RPL22L1: variants seen among roughly 807,000 people sequenced by gnomAD.
RPL22L1 encodes the protein ribosomal protein eL22-like.
In RPL22L1, 19 loss-of-function variants were observed where a neutral mutation model predicts 17.3. The observed-to-expected ratio is 1.10, with a 90% CI of 0.77 to 1.61. The LOEUF (loss-of-function observed/expected upper bound fraction) is 1.61. Ranked by LOEUF, RPL22L1 falls within the 40% of genes most tolerant of loss-of-function variation. The pLI, the probability that RPL22L1 is intolerant of heterozygous loss-of-function variation, is 0.00. For missense variants in RPL22L1, 139 were observed against 144.4 expected, an observed-to-expected ratio of 0.96 and a Z score of 0.19; for synonymous variants, 48 against 48.5, an observed-to-expected ratio of 0.99 and a Z score of 0.05.
In RPL22L1 at chr3:170,867,306, G is replaced by C. The variant is rs371033217; in HGVS notation, c.224+707C>G. Among the ~76,000 whole-genome samples, 65 of 152,238 alleles carry C rather than the reference G, an allele frequency of 4.3e-4. No individual in the cohort carries two copies. The South Asian group carries it at 8.1e-3, about 19-fold the overall frequency. On this transcript the variant is annotated intron_variant, in intron 3 of 3. Transcript: ENST00000295830. Reference sequence around the variant, plus strand: ...ATTCCTCCCAGAACACTATACCCCAGACACACTGGCTTTGTTACTATTACT... The same window carrying C: ...ATTCCTCCCAGAACACTATACCCCACACACACTGGCTTTGTTACTATTACT...
In RPL22L1 at chr3:170,868,317, A is replaced by T; in HGVS notation, c.83T>A (p.Ile28Asn). 1 of 1,609,258 alleles carries T rather than the reference A, an allele frequency of 6.2e-7. No individual in the cohort carries two copies. Among genetic ancestry groups the T allele is most frequent in the South Asian group, 1.1e-5 (1 of 90,378 alleles). ...LDLTHPVEDG[I>N]FDSGNFEQFL... ...ACTTACAAAATTTCCAGAATCAAAAATTCCATCTTCTACTGGATGAGTAAG... is the reference window on the plus strand; with the variant it reads ...ACTTACAAAATTTCCAGAATCAAAATTTCCATCTTCTACTGGATGAGTAAG... Residue 28 changes from isoleucine to asparagine, a missense_variant, in exon 2 of 4, where the codon ATT becomes AAT. Ile to Asn is a moderately radical substitution (Grantham distance 149). Coordinates refer to ENST00000295830, the MANE Select transcript of RPL22L1 (RefSeq NM_001099645.2).
intron 1 of RPL22L1, among the ~76,000 whole-genome samples, chr3:170,869,360 T>C (rs566520709): frequency 6.6e-6 from 1 of 152,208 alleles, no homozygotes; most frequent in Non-Finnish European, 1.5e-5. Flanking sequence ...CATGGTAACA[T>C]GTGCCAAAAG....
intron 3 of RPL22L1, 149 bp from the exon 4 acceptor site, chr3:170,866,673 G>A: frequency 3.4e-6 from 2 of 591,722 alleles, no homozygotes. Context: ...AGGATGTATT[G>A]TGTAAGACTG....
At chr3:170,868,955 T>C (rs1190346819) in intron 1 of RPL22L1, among the ~76,000 whole-genome samples, 2 of 152,028 alleles carry the variant, frequency 1.3e-5, no homozygotes, top group African/African-American at 2.4e-5. Flanking sequence ...ACCCCATCTC[T>C]AGTAAAAATA....
chr3:170,869,904 C>G (rs1711928162), intron 1 of RPL22L1: 4 of 646,450 alleles, frequency 6.2e-6, no homozygotes, highest in Non-Finnish European at 1.1e-5. Context: ...TCCCTCTTTC[C>G]CGCGTGTCCA....
chr3:170,868,442 T>A, intron 1 of RPL22L1, 52 bp from the exon 2 acceptor site: 2 of 1,119,654 alleles, frequency 1.8e-6, no homozygotes, highest in Non-Finnish European at 2.7e-6. Context: ...TTATTCAATT[T>A]ATATAAACAA....
chr3:170,869,823 G>C, intron 1 of RPL22L1: 1 of 439,852 alleles, frequency 2.3e-6, no homozygotes, highest in Non-Finnish European at 4.5e-6. Context: ...AGTGGCAAAA[G>C]CATTATCAGG....
In RPL22L1 at chr3:170,865,019, T is replaced by C. The variant is rs1442680106; in HGVS notation, c.*1361A>G. 6.6e-6 allele frequency: 1 copy of C among 152,190 alleles called. No individual in the cohort carries two copies. The highest frequency in any genetic ancestry group is 2.4e-5 in the African/African-American group (1 of 41,450). 9.4% of individuals were successfully genotyped at this position (152,190 alleles called of 1,614,324 possible). On this transcript the variant is annotated 3_prime_UTR_variant, in exon 4 of 4. Coordinates refer to ENST00000295830, the MANE Select transcript of RPL22L1 (RefSeq NM_001099645.2). ...TTTTACTCATCACATACATCCTCAA[T>C]GCTCTGCAGCGGTGCACAGTAGTAG...
At position 170,866,239 on chromosome 3, in the gene RPL22L1, C is replaced by T; in HGVS notation, c.*141G>A. The T allele has an allele frequency of 1.6e-6, 1 of 612,342 alleles. No individual in the cohort carries two copies. 37.9% of individuals were successfully genotyped at this position (612,342 alleles called of 1,614,324 possible). A position where few individuals can be genotyped will look rare whatever the true frequency, so the allele number is the denominator to read the frequency against. Reference sequence around the variant, plus strand: ...AGGGAAATCAAAATCATATAAACAGCATACTCAAAAAAATGAGACAAAAGT... The same window carrying T: ...AGGGAAATCAAAATCATATAAACAGTATACTCAAAAAAATGAGACAAAAGT... On this transcript the variant is annotated 3_prime_UTR_variant, in exon 4 of 4. Coordinates refer to ENST00000295830, the MANE Select transcript of RPL22L1 (RefSeq NM_001099645.2).
chr3:170,867,917 A>G, intron 3 of RPL22L1, 96 bp downstream of exon 3: 2 of 1,031,028 alleles, frequency 1.9e-6, no homozygotes, highest in South Asian at 3.6e-5. Flanking sequence ...GTTCATATTT[A>G]TTCTTGCATA....
At position 170,866,504 on chromosome 3, in the gene RPL22L1, T is replaced by C. The variant is rs1560001850; in HGVS notation, c.245A>G (p.Lys82Arg). The C allele has an allele frequency of 6.4e-7, 1 of 1,556,096 alleles. No individual in the cohort carries two copies. Residue 82 changes from lysine to arginine, a missense_variant, in exon 4 of 4, where the codon AAG becomes AGG. Transcript: ENST00000295830. ...AAGATTGTTCTTCTTAAGGTATTTC[T>C]TGGTAAGGTATTTCAAATACCTTTT... ...FSKRYLKYLT[K>R]KYLKKNNLRD... is the part of the protein sequence containing the mutation.
At chr3:170,868,226 T>C (rs1460157948) in intron 2 of RPL22L1, 72 bp downstream of exon 2, 1 of 1,455,652 alleles carries the variant, frequency 6.9e-7, no homozygotes, top group Admixed American at 1.7e-5. Flanking sequence ...TAGGTTATTA[T>C]CAAATACTAT....
intron 1 of RPL22L1, 178 bp downstream of exon 1, chr3:170,869,981 G>C (rs1313318736): frequency 1.1e-6 from 1 of 926,672 alleles, no homozygotes; most frequent in African/African-American, 1.6e-5. Context: ...GCAGCTGCCA[G>C]GGAGTCTCGA....
intron 1 of RPL22L1, 80 bp from the exon 2 acceptor site, chr3:170,868,470 A>G (rs1308587358): frequency 3.5e-6 from 3 of 853,292 alleles, no homozygotes; most frequent in African/African-American, 1.7e-5. Context: ...GTTTGTACCA[A>G]TGCAATCTGT....
At chr3:170,867,364 G>C (rs776159079) in intron 3 of RPL22L1, among the ~76,000 whole-genome samples, 17 of 152,196 alleles carry the variant, frequency 1.1e-4, no homozygotes, top group Non-Finnish European at 2.1e-4. Flanking sequence ...CATCCTGCCT[G>C]TAACAACTGC....
At chr3:170,867,001 T>A (rs551993040) in intron 3 of RPL22L1, among the ~76,000 whole-genome samples, 1 of 152,298 alleles carries the variant, frequency 6.6e-6, no homozygotes, top group East Asian at 1.9e-4. Context: ...GAGTTGTATT[T>A]TACAATAATT....
In RPL22L1 at chr3:170,865,361, C is replaced by T. The variant is rs1397896540; in HGVS notation, c.*1019G>A. On this transcript the variant is annotated 3_prime_UTR_variant, in exon 4 of 4. Transcript: ENST00000295830. ...CATCAGGCTCAGCAGTACAAAAAGG[C>T]ACATCATTCTTGTCCTCCCTAATCT... 1.3e-5 allele frequency: 2 copies of T among 152,172 alleles called. No homozygotes were observed. Among genetic ancestry groups the T allele is most frequent in the African/African-American group, 4.8e-5 (2 of 41,436 alleles). 9.4% of individuals were successfully genotyped at this position (152,172 alleles called of 1,614,324 possible).
chr3:170,868,211 G>C, intron 2 of RPL22L1, 77 bp from the exon 3 acceptor site: 3 of 1,498,506 alleles, frequency 2.0e-6, no homozygotes, highest in East Asian at 2.3e-5. Context: ...CCTAGGAATA[G>C]AGCTTAGGTT....
chr3:170,869,868 A>G (rs549869138), intron 1 of RPL22L1: 1 of 568,210 alleles, frequency 1.8e-6, no homozygotes, highest in Non-Finnish European at 3.3e-6. Context: ...AGATTGCAGT[A>G]CCACCGGCCC....
Sources: allele counts gnomAD v4.1 joint callset (sites outside exome capture counted in the v4.1 genomes callset), GRCh38; gene constraint gnomAD v4.1.1; transcripts MANE v1.5; gene names NCBI Gene and HGNC (gene_info 2026-07-23, HGNC 2026-07-21).